ATAD5: variants seen among roughly 807,000 people sequenced by gnomAD.
ATAD5 encodes ATPase family AAA domain containing 5, also known as ATPase family AAA domain-containing protein 5.
In ATAD5, 58 loss-of-function variants were observed where a neutral mutation model predicts 176.9. The observed-to-expected ratio is 0.33, with a 90% CI of 0.27 to 0.41. The LOEUF (loss-of-function observed/expected upper bound fraction) is 0.41. Among genes scored for constraint, ATAD5 ranks in the 10% least tolerant of loss-of-function variants. The pLI is 1.00. For missense variants in ATAD5, 1,789 were observed against 2,094.1 expected (o/e 0.85, Z 2.84); for synonymous variants, 640 against 712.6 (o/e 0.90, Z 1.62).
chr17:30,855,752 G>A (rs554341373), intron 7 of ATAD5, among the ~76,000 whole-genome samples: 10 of 151,908 alleles, frequency 6.6e-5, no homozygotes, highest in East Asian at 1.9e-4. Flanking sequence ...CCAGCTACTC[G>A]GGAGGCTGAG....
chr17:30,846,680 C>T (rs957301778), intron 6 of ATAD5, among the ~76,000 whole-genome samples: 9 of 151,098 alleles, frequency 6.0e-5, no homozygotes, highest in Non-Finnish European at 1.3e-4. Context: ...GGATTATAGG[C>T]GTGAGCCACC....
In ATAD5 at chr17:30,832,189, C is replaced by A; in HGVS notation, c.-159C>A. ...ATTCGGCTGATCTGGGCCCAGCCTC[C>A]GCTCCCGCTCTCTGTCGGTGGGCGC... On this transcript the variant is annotated 5_prime_UTR_variant, in exon 1 of 23. Coordinates refer to ENST00000321990, the MANE Select transcript of ATAD5 (RefSeq NM_024857.5). 1 of 456,388 alleles carries A rather than the reference C, an allele frequency of 2.2e-6. No homozygotes were observed. The allele number at this position is 456,388 out of a possible 1,614,324, so 28.3% of individuals were successfully genotyped here.
chr17:30,876,601 A>C (rs1470436934), intron 15 of ATAD5, 51 bp downstream of exon 15: 1 of 1,166,730 alleles, frequency 8.6e-7, no homozygotes. Context: ...AATGACCCTT[A>C]TACCTAAAAA....
Position 30,892,806 on chromosome 17 carries a change from T to C in ATAD5, c.4440+18T>C. 1 of 1,497,066 alleles carries C rather than the reference T, an allele frequency of 6.7e-7. No homozygotes were observed. The highest frequency in any genetic ancestry group is 9.0e-7 in the Non-Finnish European group (1 of 1,111,940). The allele number at this position is 1,497,066 out of a possible 1,614,324, so 92.7% of individuals were successfully genotyped here. ...TTTTAAAGGTATTTTCAATGTCTGT[T>C]TTGCAATGTTGAATTTATATTCCTT... On this transcript the variant is annotated intron_variant, in intron 20 of 22. Coordinates refer to ENST00000321990, the MANE Select transcript of ATAD5 (RefSeq NM_024857.5).
intron 15 of ATAD5, among the ~76,000 whole-genome samples, chr17:30,876,782 T>C (rs1209885284): frequency 6.7e-6 from 1 of 148,188 alleles, no homozygotes; most frequent in Non-Finnish European, 1.5e-5. Flanking sequence ...AGTGGCACAA[T>C]TTTGGCTCAC....
At chr17:30,851,237 C>G (rs932020183) in intron 6 of ATAD5, among the ~76,000 whole-genome samples, 9 of 149,220 alleles carry the variant, frequency 6.0e-5, no homozygotes, top group African/African-American at 2.2e-4. Flanking sequence ...TGGCTCACAT[C>G]TATAATCCCA....
intron 10 of ATAD5, chr17:30,864,818 GA>G (rs1212377182): frequency 6.6e-6 from 1 of 152,022 alleles, no homozygotes; most frequent in Non-Finnish European, 1.5e-5. Context: ...CAAAGGATAT[GA>G]TTTTTTTCTT....
chr17:30,842,253 A>T (rs1255202523), intron 4 of ATAD5, among the ~76,000 whole-genome samples: 1 of 151,714 alleles, frequency 6.6e-6, no homozygotes, highest in Non-Finnish European at 1.5e-5. Flanking sequence ...TGGGTAACAG[A>T]GTGAGACTCC....
At chr17:30,834,103 T>C (rs1229350951) in intron 1 of ATAD5, 45 bp from the exon 2 acceptor site, 7 of 1,417,520 alleles carry the variant, frequency 4.9e-6, no homozygotes, top group Non-Finnish European at 6.6e-6. Context: ...ATATTTTGTA[T>C]TATATTGCTT....
At chr17:30,866,324 A>C (rs1907980515) in intron 11 of ATAD5, among the ~76,000 whole-genome samples, 1 of 147,976 alleles carries the variant, frequency 6.8e-6, no homozygotes, top group African/African-American at 2.5e-5. Flanking sequence ...CAGCCTCCTG[A>C]GTAGCTGGGA....
intron 4 of ATAD5, among the ~76,000 whole-genome samples, chr17:30,843,103 G>A (rs1906234622): frequency 6.6e-6 from 1 of 151,884 alleles, no homozygotes; most frequent in Non-Finnish European, 1.5e-5. Context: ...TGTAATCCCA[G>A]CACTTTGGGA....
At chr17:30,834,125 C>CT (rs750102870) in intron 1 of ATAD5, 23 bp from the exon 2 acceptor site, 1 of 1,500,292 alleles carries the variant, frequency 6.7e-7, no homozygotes, top group Non-Finnish European at 8.9e-7. Flanking sequence ...AAATAAGTGC[C>CT]TTTTTCTCTT....
Position 30,834,198 on chromosome 17 carries a change from T to C in ATAD5, c.117T>C (p.Ile39=). The change falls in exon 2 of 23, where the codon ATT becomes ATC. Residue 39 remains isoleucine, a synonymous_variant. Coordinates refer to ENST00000321990, the MANE Select transcript of ATAD5 (RefSeq NM_024857.5). The part of the protein sequence containing the change: ...KDDDTSTCKT[I]TKYLSPLGKT... ...ATGACACATCTACCTGCAAAACAAT[T>C]ACAAAATATTTATCACCACTAGGGA... 1 of 1,589,874 alleles carries C rather than the reference T, an allele frequency of 6.3e-7. No homozygotes were observed. Among genetic ancestry groups the C allele is most frequent in the East Asian group, 2.2e-5 (1 of 44,506 alleles).
chr17:30,862,339 CA>C (rs995651939), intron 10 of ATAD5, among the ~76,000 whole-genome samples: 2 of 115,102 alleles, frequency 1.7e-5, no homozygotes, highest in African/African-American at 5.7e-5. Flanking sequence ...GTCTAGGGGG[CA>C]AAAAAAAAGG....
intron 6 of ATAD5, among the ~76,000 whole-genome samples, chr17:30,850,342 C>T (rs535539719): frequency 5.3e-5 from 8 of 151,206 alleles, no homozygotes; most frequent in African/African-American, 1.5e-4. Context: ...CTATTCTACT[C>T]TCTACTTCTA....
chr17:30,844,411 A>G (rs1208931953), intron 5 of ATAD5, among the ~76,000 whole-genome samples: 3 of 152,100 alleles, frequency 2.0e-5, no homozygotes, highest in Non-Finnish European at 4.4e-5. Flanking sequence ...GATTACAGGC[A>G]TGAGCCACTG....
At chr17:30,856,264 A>G (rs1453900584) in intron 7 of ATAD5, among the ~76,000 whole-genome samples, 1 of 152,044 alleles carries the variant, frequency 6.6e-6, no homozygotes, top group Non-Finnish European at 1.5e-5. Context: ...CCTGATAACA[A>G]CTCTAAGAGG....
chr17:30,871,679 A>G (rs1908346933), intron 14 of ATAD5, among the ~76,000 whole-genome samples: 1 of 151,806 alleles, frequency 6.6e-6, no homozygotes. Context: ...TTGTTTTTTC[A>G]ATTGATTGAT....
chr17:30,876,378 A>T lies in ATAD5; in HGVS notation c.3612A>T (p.Lys1204Asn), dbSNP rs755122204. Reference sequence around the variant, plus strand: ...GTGCAATTTGTTTTTGGGCAGAAAAAATAAGCTCCCCTAAGAAAGTTGTTA... The same window carrying T: ...GTGCAATTTGTTTTTGGGCAGAAAATATAAGCTCCCCTAAGAAAGTTGTTA... ...NSYYIGKSPKKISSPKKVVTS... is the reference protein window; with the variant it reads ...NSYYIGKSPKNISSPKKVVTS... The change falls in exon 15 of 23, where the codon AAA becomes AAT. Residue 1204 changes from lysine (K) to asparagine (N), a missense_variant. By Grantham distance (94) the Lys-to-Asn change is moderately conservative (BLOSUM62 0). Around this residue, in one of 6 missense-constraint regions of ATAD5, gnomAD observed 194 missense variants for 270.1 expected, o/e 0.72. Transcript: ENST00000321990. The T allele has an allele frequency of 7.0e-6, 11 of 1,570,848 alleles. No homozygotes were observed. The East Asian group carries it at 1.8e-4, about 26-fold the overall frequency.
Sources: gnomAD v4.1 joint callset for allele counts (sites outside exome capture counted in the v4.1 genomes callset) on GRCh38, gnomAD v4.1.1 for gene constraint, gnomAD v4.1.1 regional missense constraint, MANE v1.5 for transcripts, NCBI Gene and HGNC (gene_info 2026-07-23, HGNC 2026-07-21) for gene names.